The following PTPRD variants were observed in gnomAD, a reference collection of about 807,000 sequenced individuals.
PTPRD encodes the protein protein tyrosine phosphatase receptor type D.
Under a neutral mutation model 214.5 loss-of-function variants are expected in PTPRD, and 34 were observed. That is an observed-to-expected ratio of 0.16 (90% CI 0.12 to 0.21). The LOEUF (loss-of-function observed/expected upper bound fraction) is 0.21. PTPRD is among the 10% of genes least tolerant of loss of function. The pLI is 1.00. For missense variants in PTPRD, 2,545 were observed against 2,398.7 expected, an observed-to-expected ratio of 1.06 and a Z score of -1.27; for synonymous variants, 1,128 against 845.7, an observed-to-expected ratio of 1.33 and a Z score of -5.79.
chr9:9,800,851 A>G (rs1213466015), intron 5 of PTPRD, among the ~76,000 whole-genome samples: 2 of 152,186 alleles, frequency 1.3e-5, no homozygotes, highest in African/African-American at 2.4e-5. Flanking sequence ...AGCTTGTAAA[A>G]CAACAGCCAC....
chr9:9,328,109 G>A (rs566897254), intron 9 of PTPRD, among the ~76,000 whole-genome samples: 1 of 152,144 alleles, frequency 6.6e-6, no homozygotes, highest in South Asian at 2.1e-4. Context: ...TAAACTCTGT[G>A]AATTTAGATT....
At chr9:10,394,114 A>G (rs2098124208) in intron 2 of PTPRD, among the ~76,000 whole-genome samples, 1 of 145,936 alleles carries the variant, frequency 6.9e-6, no homozygotes, top group Admixed American at 7.0e-5. Flanking sequence ...ATATATGGAG[A>G]TATATATACA....
intron 2 of PTPRD, among the ~76,000 whole-genome samples, chr9:10,554,575 A>T (rs1313373146): frequency 6.6e-6 from 1 of 152,182 alleles, no homozygotes; most frequent in East Asian, 1.9e-4. Flanking sequence ...TTTCCAGGAT[A>T]ATATATTATT....
At chr9:9,939,924 A>C (rs1327378993) in intron 4 of PTPRD, among the ~76,000 whole-genome samples, 1 of 152,090 alleles carries the variant, frequency 6.6e-6, no homozygotes, top group African/African-American at 2.4e-5. Context: ...TATCACCTTC[A>C]TTTCTTCTGC....
chr9:8,827,465 G>C (rs1490669714), intron 11 of PTPRD, among the ~76,000 whole-genome samples: 1 of 151,992 alleles, frequency 6.6e-6, no homozygotes, highest in Non-Finnish European at 1.5e-5. Flanking sequence ...AAATTAGCCA[G>C]GTATGGTGGC....
Position 10,508,921 on chromosome 9 carries a change from T to G in PTPRD, c.-600+103477A>C, listed in dbSNP as rs533911929. ...AACAAACCTGCACTTTGTGCACATG[T>G]ACCCTAGAACTTAGAGTATAATAAA... On this transcript the variant is annotated intron_variant, in intron 2 of 45. Coordinates refer to ENST00000381196, the MANE Select transcript of PTPRD (RefSeq NM_002839.4). Among the ~76,000 whole-genome samples, 226 of 152,244 alleles carry G rather than the reference T, an allele frequency of 1.5e-3. 1 individual carries two copies. The highest frequency in any genetic ancestry group is 4.9e-3 in the African/African-American group (202 of 41,528).
At chr9:9,934,793 A>G (rs1416319595) in intron 5 of PTPRD, among the ~76,000 whole-genome samples, 1 of 151,992 alleles carries the variant, frequency 6.6e-6, no homozygotes, top group East Asian at 1.9e-4. Context: ...TTTTAGACCA[A>G]TATCCTTGAT....
intron 8 of PTPRD, among the ~76,000 whole-genome samples, chr9:9,523,810 A>G (rs2097053433): frequency 6.6e-6 from 1 of 151,912 alleles, no homozygotes; most frequent in South Asian, 2.1e-4. Context: ...TATTCCTCAA[A>G]TCTTCATATT....
intron 7 of PTPRD, among the ~76,000 whole-genome samples, chr9:9,646,509 C>T (rs890927496): frequency 2.0e-5 from 3 of 152,042 alleles, no homozygotes; most frequent in Non-Finnish European, 2.9e-5. Context: ...TCTGCTGGCT[C>T]GCTATGATGT....
intron 10 of PTPRD, among the ~76,000 whole-genome samples, chr9:9,107,732 T>C (rs1227069080): frequency 1.3e-5 from 2 of 152,166 alleles, no homozygotes; most frequent in Admixed American, 6.6e-5. Flanking sequence ...GATCAGGCCA[T>C]TTGTCTTTTG....
chr9:8,710,992 T>C (rs1379727465), intron 12 of PTPRD, among the ~76,000 whole-genome samples: 1 of 152,148 alleles, frequency 6.6e-6, no homozygotes, highest in Non-Finnish European at 1.5e-5. Flanking sequence ...TTAAACTCCA[T>C]GTGTTCTTAT....
intron 2 of PTPRD, among the ~76,000 whole-genome samples, chr9:10,362,039 A>T (rs909469078): frequency 2.0e-5 from 3 of 152,156 alleles, no homozygotes; most frequent in Non-Finnish European, 2.9e-5. Flanking sequence ...GAATCTGGAG[A>T]ATGGGGTCTT....
intron 11 of PTPRD, among the ~76,000 whole-genome samples, chr9:8,894,724 G>C (rs1243000981): frequency 6.6e-6 from 1 of 152,206 alleles, no homozygotes; most frequent in African/African-American, 2.4e-5. Context: ...AAAAAGGAAA[G>C]TAGTTTTGGG....
intron 11 of PTPRD, among the ~76,000 whole-genome samples, chr9:8,811,170 A>G (rs72702371): frequency 0.091 from 13,826 of 152,116 alleles, 653 homozygotes; most frequent in Middle Eastern, 0.19. Flanking sequence ...TCAAACAATT[A>G]ATTAATGGGC....
chr9:9,105,057 A>G (rs576060085), intron 10 of PTPRD, among the ~76,000 whole-genome samples: 1 of 152,322 alleles, frequency 6.6e-6, no homozygotes, highest in South Asian at 2.1e-4. Context: ...CAGATAATAC[A>G]TATCCTATTT....
intron 9 of PTPRD, among the ~76,000 whole-genome samples, chr9:9,347,304 C>G (rs2049226028): frequency 6.8e-6 from 1 of 147,568 alleles, no homozygotes; most frequent in Admixed American, 6.8e-5. Context: ...AGGACTCTCT[C>G]TATGTGTATA....
chr9:9,953,867 T>G (rs1033279882), intron 4 of PTPRD, among the ~76,000 whole-genome samples: 6 of 152,198 alleles, frequency 3.9e-5, no homozygotes, highest in Non-Finnish European at 2.9e-5. Flanking sequence ...TTGTTTGGCA[T>G]ACACACACTC....
At chr9:8,831,829 G>A (rs925482194) in intron 11 of PTPRD, among the ~76,000 whole-genome samples, 1 of 152,062 alleles carries the variant, frequency 6.6e-6, no homozygotes, top group Non-Finnish European at 1.5e-5. Context: ...AAACAAAGAC[G>A]ATTTACATAT....
intron 4 of PTPRD, among the ~76,000 whole-genome samples, chr9:9,969,025 T>C (rs1056667144): frequency 6.6e-6 from 1 of 152,132 alleles, no homozygotes; most frequent in African/African-American, 2.4e-5. Flanking sequence ...AGAGAGTCCA[T>C]AGTCAAATAA....
Sources: gnomAD v4.1 joint callset for allele counts (sites outside exome capture counted in the v4.1 genomes callset) on GRCh38, gnomAD v4.1.1 for gene constraint, MANE v1.5 for transcripts, NCBI Gene and HGNC (gene_info 2026-07-23, HGNC 2026-07-21) for gene names.